The following MSRB3 variants were observed in gnomAD, a reference collection of about 807,000 sequenced individuals.
MSRB3 encodes the protein methionine-R-sulfoxide reductase B3.
MSRB3 carries 13 observed loss-of-function variants against 21.0 expected under a neutral mutation model. The ratio of observed to expected loss-of-function variants is 0.62; its 90% CI spans 0.40 to 0.98. MSRB3 has a LOEUF of 0.98. MSRB3 is among the 50% of genes least tolerant of loss of function. The probability of loss-of-function intolerance (pLI) is 0.00; values close to 1 mark genes in which losing one functional copy is unlikely to be tolerated. For synonymous variants in MSRB3, 87 were observed against 88.6 expected, an observed-to-expected ratio of 0.98 and a Z score of 0.10; for missense variants, 199 against 230.3, an observed-to-expected ratio of 0.86 and a Z score of 0.88.
intron 5 of MSRB3, among the ~76,000 whole-genome samples, chr12:65,384,714 T>C (rs1173648520): frequency 2.0e-5 from 3 of 152,174 alleles, no homozygotes; most frequent in Non-Finnish European, 2.9e-5. Flanking sequence ...AACTGAAATA[T>C]AGCTTTTGTG....
At chr12:65,299,123 A>C (rs1408694866) in intron 1 of MSRB3, among the ~76,000 whole-genome samples, 1 of 152,228 alleles carries the variant, frequency 6.6e-6, no homozygotes, top group African/African-American at 2.4e-5. Flanking sequence ...TAAAATCATT[A>C]TTCTAGTAGT....
chr12:65,326,033 C>A (rs1875004888), intron 2 of MSRB3, among the ~76,000 whole-genome samples: 1 of 152,150 alleles, frequency 6.6e-6, no homozygotes. Context: ...CCTAGATATA[C>A]TTTGCAAAAA....
At chr12:65,428,512 A>C (rs1881718045) in intron 5 of MSRB3, among the ~76,000 whole-genome samples, 1 of 152,152 alleles carries the variant, frequency 6.6e-6, no homozygotes. Flanking sequence ...CACTTGCTCT[A>C]ATGGACTGGG....
At position 65,435,844 on chromosome 12, in the gene MSRB3, G is replaced by A. The variant is rs553201050; in HGVS notation, c.293-17884G>A. Among the ~76,000 whole-genome samples the A allele has an allele frequency of 3.3e-5, 5 of 151,888 alleles. No individual in the cohort carries two copies. The South Asian group carries it at 8.3e-4, about 25-fold the overall frequency. On this transcript the variant is annotated intron_variant, in intron 5 of 6. Coordinates refer to ENST00000308259, the MANE Select transcript of MSRB3 (RefSeq NM_001031679.3). ...CAAGGTCTGTGAACCCTGAAGCTTG[G>A]TATATGTATTTGGATTAATTTTTTT...
At chr12:65,363,602 C>A (rs1013468962) in intron 4 of MSRB3, among the ~76,000 whole-genome samples, 1 of 151,956 alleles carries the variant, frequency 6.6e-6, no homozygotes, top group Admixed American at 6.6e-5. Context: ...TTATTTAAAT[C>A]TTGTAAAATG....
intron 5 of MSRB3, among the ~76,000 whole-genome samples, chr12:65,371,328 CAA>C (rs34453745): frequency 6.0e-4 from 51 of 84,828 alleles, no homozygotes; most frequent in African/African-American, 1.0e-3. Context: ...GACTCCATCT[CAA>C]AAAAAAAAAA....
chr12:65,348,969 A>C (rs1565847088), intron 4 of MSRB3, among the ~76,000 whole-genome samples: 1 of 152,074 alleles, frequency 6.6e-6, no homozygotes, highest in Admixed American at 6.6e-5. Context: ...CAGGTTAGTT[A>C]CATATGTATA....
chr12:65,402,692 A>G (rs571617179), intron 5 of MSRB3, among the ~76,000 whole-genome samples: 1 of 152,264 alleles, frequency 6.6e-6, no homozygotes, highest in Non-Finnish European at 1.5e-5. Flanking sequence ...GAGAAGAGGC[A>G]TTCTGGTTTT....
chr12:65,447,935 C>G (rs1331130061), intron 5 of MSRB3, among the ~76,000 whole-genome samples: 1 of 152,032 alleles, frequency 6.6e-6, no homozygotes, highest in Non-Finnish European at 1.5e-5. Context: ...ATAATCCAAA[C>G]AAAAATAAAA....
intron 1 of MSRB3, chr12:65,286,545 A>G (rs934134139): frequency 1.3e-5 from 2 of 152,164 alleles, no homozygotes; most frequent in African/African-American, 2.4e-5. Context: ...GTATACACCT[A>G]CAGGTCTCTG....
At chr12:65,331,614 A>G (rs888992139) in intron 4 of MSRB3, among the ~76,000 whole-genome samples, 3 of 152,122 alleles carry the variant, frequency 2.0e-5, no homozygotes, top group Non-Finnish European at 2.9e-5. Context: ...CCACTACCAA[A>G]CCATGTGAGC....
intron 5 of MSRB3, among the ~76,000 whole-genome samples, chr12:65,390,270 A>G (rs1879405483): frequency 6.6e-6 from 1 of 152,100 alleles, no homozygotes. Flanking sequence ...ACAAAACCCC[A>G]AACGCAACTC....
At chr12:65,420,044 G>GC in intron 5 of MSRB3, 1 of 473,150 alleles carries the variant, frequency 2.1e-6, no homozygotes, top group Non-Finnish European at 4.2e-6. Context: ...GAAGAGAGCG[G>GC]GAAGAGAGGA....
chr12:65,435,229 T>A (rs1882062218), intron 5 of MSRB3, among the ~76,000 whole-genome samples: 1 of 151,996 alleles, frequency 6.6e-6, no homozygotes, highest in Non-Finnish European at 1.5e-5. Flanking sequence ...GATCTCTTTC[T>A]GACTCATTGC....
chr12:65,415,793 G>A (rs560647140), intron 5 of MSRB3, among the ~76,000 whole-genome samples: 1 of 152,260 alleles, frequency 6.6e-6, no homozygotes, highest in East Asian at 1.9e-4. Context: ...GTCCCTGGAA[G>A]GGTTTACCAG....
intron 6 of MSRB3, among the ~76,000 whole-genome samples, chr12:65,455,092 C>A (rs1352058135): frequency 6.6e-6 from 1 of 152,124 alleles, no homozygotes; most frequent in Non-Finnish European, 1.5e-5. Context: ...GCCATATGGG[C>A]CTCCCTCAGC....
intron 4 of MSRB3, among the ~76,000 whole-genome samples, chr12:65,338,698 C>A (rs1159295426): frequency 6.6e-6 from 1 of 152,046 alleles, no homozygotes; most frequent in Non-Finnish European, 1.5e-5. Context: ...AGAAAAATAA[C>A]AACAAAATCA....
At chr12:65,300,054 GT>G (rs1347874777) in intron 1 of MSRB3, among the ~76,000 whole-genome samples, 43 of 152,240 alleles carry the variant, frequency 2.8e-4, no homozygotes, top group African/African-American at 9.6e-4. Context: ...CCTTGTATTT[GT>G]TGATTGATTT....
At chr12:65,308,983 C>A in intron 2 of MSRB3, 1 of 360,754 alleles carries the variant, frequency 2.8e-6, no homozygotes, top group Non-Finnish European at 5.2e-6. Context: ...AGAAACTGCC[C>A]CAAATCACAC....
Sources: gnomAD v4.1 joint callset for allele counts (sites outside exome capture counted in the v4.1 genomes callset) on GRCh38, gnomAD v4.1.1 for gene constraint, MANE v1.5 for transcripts, NCBI Gene and HGNC (gene_info 2026-07-23, HGNC 2026-07-21) for gene names.